Variants in BABAM2 observed in about 807,000 individuals in gnomAD.
The protein encoded by BABAM2 is BRISC and BRCA1 A complex member 2, also known as BRISC and BRCA1-A complex member 2.
A neutral mutation model predicts 54.7 loss-of-function variants in BABAM2; 31 were observed. That is an observed-to-expected ratio of 0.57 (90% CI 0.43 to 0.77). BABAM2 has a LOEUF of 0.77. BABAM2 is among the 30% of genes least tolerant of loss of function. The probability of loss-of-function intolerance (pLI) is 0.00; values close to 1 mark genes in which losing one functional copy is unlikely to be tolerated. For synonymous variants in BABAM2, 167 were observed against 162.9 expected, an observed-to-expected ratio of 1.03 and a Z score of -0.19; for missense variants, 364 against 455.8, an observed-to-expected ratio of 0.80 and a Z score of 1.83.
intron 10 of BABAM2, among the ~76,000 whole-genome samples, chr2:28,256,840 G>A (rs4666047): frequency 0.84 from 127,348 of 151,858 alleles, 55,348 homozygotes; most frequent in East Asian, 1. Context: ...GATTACAGGC[G>A]CACAGCAACA....
chr2:27,902,114 A>G (rs987022199), intron 2 of BABAM2, among the ~76,000 whole-genome samples: 1 of 152,088 alleles, frequency 6.6e-6, no homozygotes, highest in African/African-American at 2.4e-5. Flanking sequence ...TATTTTTTTG[A>G]CAAAGAATGC....
intron 7 of BABAM2, among the ~76,000 whole-genome samples, chr2:28,148,878 G>A (rs777158569): frequency 3.3e-5 from 5 of 152,294 alleles, no homozygotes; most frequent in African/African-American, 9.6e-5. Context: ...TTTGTTCCTC[G>A]TGTTCTCAAA....
intron 7 of BABAM2, among the ~76,000 whole-genome samples, chr2:28,194,668 G>A (rs993338320): frequency 3.8e-5 from 5 of 130,528 alleles, no homozygotes; most frequent in African/African-American, 8.8e-5. Flanking sequence ...TGCAACCTCC[G>A]CCTCCTGGGT....
At chr2:27,898,258 G>C (rs1274574017) in intron 2 of BABAM2, among the ~76,000 whole-genome samples, 1 of 152,116 alleles carries the variant, frequency 6.6e-6, no homozygotes, top group East Asian at 1.9e-4. Context: ...TCAAGATTGT[G>C]CCTAATCCTA....
chr2:28,105,368 G>T (rs1302312130), intron 6 of BABAM2, among the ~76,000 whole-genome samples: 1 of 152,152 alleles, frequency 6.6e-6, no homozygotes. Flanking sequence ...ACTGACTGTG[G>T]TATGAAGAAG....
rs559659953 is a variant in BABAM2, at chr2:28,068,899, C to T, written c.570+23100C>T. 9.9e-5 allele frequency among the ~76,000 whole-genome samples: 15 copies of T among 152,214 alleles called. No individual in the cohort carries two copies. In the South Asian group the frequency reaches 2.9e-3, roughly 29 times the overall value. On this transcript the variant is annotated intron_variant, in intron 6 of 11. Coordinates refer to ENST00000379624, the MANE Select transcript of BABAM2 (RefSeq NM_199191.3). ...AAAAATTCTGCTTTGACTTTTTCTC[C>T]GCTTTTATTTCAAAGGGTGTTTTAA...
intron 11 of BABAM2, among the ~76,000 whole-genome samples, chr2:28,318,103 G>A (rs868360881): frequency 1.1e-4 from 17 of 152,240 alleles, no homozygotes; most frequent in African/African-American, 4.1e-4. Flanking sequence ...TTTGGCCTCT[G>A]CCTTGGTGGC....
At chr2:28,014,100 T>C (rs1436993980) in intron 4 of BABAM2, among the ~76,000 whole-genome samples, 1 of 152,122 alleles carries the variant, frequency 6.6e-6, no homozygotes, top group East Asian at 1.9e-4. Flanking sequence ...CATTCCTCCA[T>C]GGCCATGTTA....
chr2:28,268,222 G>A (rs1452614704), intron 10 of BABAM2, among the ~76,000 whole-genome samples: 1 of 152,214 alleles, frequency 6.6e-6, no homozygotes, highest in South Asian at 2.1e-4. Context: ...TATAGTCCCA[G>A]CTACTTGGGG....
intron 10 of BABAM2, among the ~76,000 whole-genome samples, chr2:28,288,377 G>A (rs1250218242): frequency 6.7e-6 from 1 of 149,500 alleles, no homozygotes; most frequent in Non-Finnish European, 1.5e-5. Context: ...CAAGGCTGGA[G>A]TGCAATGGCG....
At chr2:27,993,690 G>A (rs1179817271) in intron 4 of BABAM2, among the ~76,000 whole-genome samples, 1 of 152,192 alleles carries the variant, frequency 6.6e-6, no homozygotes, top group Non-Finnish European at 1.5e-5. Flanking sequence ...TGAGGAAGCT[G>A]AGGGTAATTT....
intron 6 of BABAM2, among the ~76,000 whole-genome samples, chr2:28,105,779 G>A (rs1667471215): frequency 6.6e-6 from 1 of 152,118 alleles, no homozygotes; most frequent in Admixed American, 6.5e-5. Flanking sequence ...ATTATTCCAG[G>A]TAGACTTCTT....
intron 7 of BABAM2, among the ~76,000 whole-genome samples, chr2:28,215,192 A>G (rs79818501): frequency 0.023 from 3,481 of 152,242 alleles, 133 homozygotes; most frequent in African/African-American, 0.079. Flanking sequence ...TTATTGAGGT[A>G]GGTAGAGAGC....
intron 6 of BABAM2, among the ~76,000 whole-genome samples, chr2:28,113,489 G>A (rs1196370238): frequency 6.6e-6 from 1 of 152,092 alleles, no homozygotes; most frequent in Non-Finnish European, 1.5e-5. Flanking sequence ...TGAGGTCTCT[G>A]TTCTGTTCCA....
intron 6 of BABAM2, among the ~76,000 whole-genome samples, chr2:28,078,757 G>T (rs1365999737): frequency 6.6e-6 from 1 of 152,146 alleles, no homozygotes; most frequent in East Asian, 1.9e-4. Flanking sequence ...AGACATCTAG[G>T]TGGAGATGTC....
At chr2:28,197,179 A>G (rs973839628) in intron 7 of BABAM2, among the ~76,000 whole-genome samples, 3 of 152,058 alleles carry the variant, frequency 2.0e-5, no homozygotes, top group South Asian at 2.1e-4. Flanking sequence ...AAAGTAAGGC[A>G]GGAGACTATT....
chr2:28,282,644 A>G (rs529715436), intron 10 of BABAM2, among the ~76,000 whole-genome samples: 3 of 152,336 alleles, frequency 2.0e-5, no homozygotes, highest in African/African-American at 7.2e-5. Context: ...TATGGCAGAA[A>G]GTATCCAGCA....
At chr2:27,912,937 A>G (rs1666715024) in intron 2 of BABAM2, among the ~76,000 whole-genome samples, 1 of 152,182 alleles carries the variant, frequency 6.6e-6, no homozygotes, top group Non-Finnish European at 1.5e-5. Flanking sequence ...AAAGAAATAA[A>G]TTAATGTTTG....
chr2:27,901,768 T>C (rs1665808512), intron 2 of BABAM2, among the ~76,000 whole-genome samples: 1 of 152,220 alleles, frequency 6.6e-6, no homozygotes, highest in African/African-American at 2.4e-5. Flanking sequence ...TTTAATAATT[T>C]AGATTTAGTT....
Sources: allele counts gnomAD v4.1 joint callset (sites outside exome capture counted in the v4.1 genomes callset), GRCh38; gene constraint gnomAD v4.1.1; transcripts MANE v1.5; gene names NCBI Gene and HGNC (gene_info 2026-07-23, HGNC 2026-07-21).